The following CTDP1 variants were observed in gnomAD, a reference collection of about 807,000 sequenced individuals.
The protein encoded by CTDP1 is CTD phosphatase 1.
Under a neutral mutation model 91.8 loss-of-function variants are expected in CTDP1, and 47 were observed. The observed-to-expected ratio is 0.51, with a 90% CI of 0.41 to 0.65. CTDP1 has a LOEUF of 0.65. Among genes scored for constraint, CTDP1 ranks in the 30% least tolerant of loss-of-function variants. The pLI is 0.00. For missense variants in CTDP1, 1,272 were observed against 1,373.7 expected (o/e 0.93, Z 1.17); for synonymous variants, 656 against 598.5 (o/e 1.10, Z -1.40).
intron 1 of CTDP1, chr18:79,685,663 A>G (rs558038777): frequency 6.6e-6 from 1 of 152,346 alleles, no homozygotes; most frequent in Admixed American, 6.5e-5. Flanking sequence ...ATAGTAATAC[A>G]GTTAGAATAG....
intron 10 of CTDP1, among the ~76,000 whole-genome samples, chr18:79,718,492 A>G (rs1440192375): frequency 6.6e-6 from 1 of 152,176 alleles, no homozygotes; most frequent in African/African-American, 2.4e-5. Flanking sequence ...GGTAAACAGC[A>G]CTGTGAGGAA....
chr18:79,753,250 C>T (rs540758682), intron 12 of CTDP1, among the ~76,000 whole-genome samples: 6 of 152,230 alleles, frequency 3.9e-5, no homozygotes, highest in African/African-American at 1.4e-4. Context: ...ATTTCCAGAC[C>T]GTGGCCCACT....
chr18:79,742,695 C>T lies in CTDP1; in HGVS notation c.2747+6174C>T, dbSNP rs1452345928. ...CTGGACATGTGGTGGCTGTGGCTCA[C>T]GCCTGTAATCCTAGCACTTTAGGAT... On this transcript the variant is annotated intron_variant, in intron 12 of 12. Transcript: ENST00000613122. 3.3e-5 allele frequency among the ~76,000 whole-genome samples: 5 copies of T among 152,208 alleles called. No homozygotes were observed. In the East Asian group the frequency reaches 7.7e-4, roughly 23 times the overall value.
intron 8 of CTDP1, among the ~76,000 whole-genome samples, 190 bp downstream of exon 8, chr18:79,715,718 G>T (rs530234004): frequency 5.3e-5 from 8 of 152,234 alleles, no homozygotes; most frequent in African/African-American, 1.9e-4. Context: ...CTTTCAGACC[G>T]CAGTCATCGC....
chr18:79,745,334 G>GGGTTCTGTCCCTGCGTCCCTCCCGTGCA (rs2086862866), intron 12 of CTDP1, among the ~76,000 whole-genome samples: 2 of 99,006 alleles, frequency 2.0e-5, no homozygotes, highest in Non-Finnish European at 3.9e-5. Context: ...CCTCCCGTGC[G>GGGTTCTGTCCCTGCGTCCCTCCCGTGCA]CGTTCTGTGC....
At chr18:79,693,700 C>G (rs989719485) in intron 1 of CTDP1, among the ~76,000 whole-genome samples, 1 of 152,194 alleles carries the variant, frequency 6.6e-6, no homozygotes, top group Non-Finnish European at 1.5e-5. Context: ...CTCGGAGCCC[C>G]GCACCGTGTG....
At chr18:79,679,382 G>T (rs1315195742), upstream of CTDP1, 12 of 454,364 alleles carry the variant, frequency 2.6e-5, no homozygotes, top group Non-Finnish European at 5.3e-5. Flanking sequence ...GTCCCGCGAC[G>T]TTGCGACTCA....
At chr18:79,740,848 C>G (rs371475226) in intron 12 of CTDP1, among the ~76,000 whole-genome samples, 1 of 152,198 alleles carries the variant, frequency 6.6e-6, no homozygotes, top group Admixed American at 6.5e-5. Context: ...AATAAATCCT[C>G]AAAATAAAAA....
At chr18:79,721,795 C>T (rs541085361) in intron 10 of CTDP1, among the ~76,000 whole-genome samples, 1 of 151,976 alleles carries the variant, frequency 6.6e-6, no homozygotes, top group Admixed American at 6.5e-5. Context: ...AATCACAAAC[C>T]TTTGACTTAT....
At chr18:79,733,629 G>A (rs188889514) in intron 11 of CTDP1, among the ~76,000 whole-genome samples, 4 of 151,978 alleles carry the variant, frequency 2.6e-5, no homozygotes, top group East Asian at 3.9e-4. Flanking sequence ...CAAAGCTGGC[G>A]TCCGCTGCCT....
At chr18:79,686,973 C>T (rs1185203170) in intron 1 of CTDP1, among the ~76,000 whole-genome samples, 2 of 127,266 alleles carry the variant, frequency 1.6e-5, no homozygotes, top group Admixed American at 7.9e-5. Flanking sequence ...GTTGGCTTCT[C>T]CAGTTCACTG....
At chr18:79,705,141 C>T (rs1448681145) in intron 5 of CTDP1, among the ~76,000 whole-genome samples, 6 of 152,084 alleles carry the variant, frequency 3.9e-5, no homozygotes, top group African/African-American at 9.7e-5. Flanking sequence ...ACTGGGTGGG[C>T]CGCTTTGGGA....
At chr18:79,741,464 C>G (rs1157166132) in intron 12 of CTDP1, among the ~76,000 whole-genome samples, 1 of 152,210 alleles carries the variant, frequency 6.6e-6, no homozygotes, top group Non-Finnish European at 1.5e-5. Flanking sequence ...TGTTATGTTA[C>G]TGGCAAGAAG....
At chr18:79,748,412 G>C (rs1384764855) in intron 12 of CTDP1, among the ~76,000 whole-genome samples, 1 of 152,224 alleles carries the variant, frequency 6.6e-6, no homozygotes, top group Non-Finnish European at 1.5e-5. Context: ...GGCCGCCCCA[G>C]CCCGGGCTCT....
At chr18:79,730,964 G>A (rs921043505) in intron 11 of CTDP1, among the ~76,000 whole-genome samples, 13 of 152,244 alleles carry the variant, frequency 8.5e-5, no homozygotes, top group African/African-American at 2.7e-4. Flanking sequence ...GCCCTGGCCT[G>A]ACAGCCTCGT....
chr18:79,724,768 A>G (rs1043474736), intron 10 of CTDP1, among the ~76,000 whole-genome samples: 9 of 152,084 alleles, frequency 5.9e-5, no homozygotes, highest in African/African-American at 2.2e-4. Flanking sequence ...GATCCCAGAG[A>G]TTTTCTTGAT....
chr18:79,743,071 G>C (rs913109686), intron 12 of CTDP1, among the ~76,000 whole-genome samples: 1 of 152,366 alleles, frequency 6.6e-6, no homozygotes, highest in Middle Eastern at 3.4e-3. Context: ...AATGACAGCA[G>C]ATGGTGACTG....
At chr18:79,696,248 C>A (rs1216361947) in intron 3 of CTDP1, among the ~76,000 whole-genome samples, 178 bp downstream of exon 3, 1 of 152,182 alleles carries the variant, frequency 6.6e-6, no homozygotes, top group Non-Finnish European at 1.5e-5. Context: ...GGGACGGTTG[C>A]CCTTGGTTCT....
intron 5 of CTDP1, among the ~76,000 whole-genome samples, chr18:79,707,153 G>A (rs1219803460): frequency 6.6e-6 from 1 of 152,198 alleles, no homozygotes; most frequent in Non-Finnish European, 1.5e-5. Context: ...TTGGCTGGAG[G>A]GGTTTGGGCT....
Sources: allele counts gnomAD v4.1 joint callset (sites outside exome capture counted in the v4.1 genomes callset), GRCh38; gene constraint gnomAD v4.1.1; transcripts MANE v1.5; gene names NCBI Gene and HGNC (gene_info 2026-07-23, HGNC 2026-07-21).